CSMD1: variants seen among roughly 807,000 people sequenced by gnomAD.
CSMD1 encodes CUB and Sushi multiple domains 1.
In CSMD1, 213 loss-of-function variants were observed where a neutral mutation model predicts 417.5. That is an observed-to-expected ratio of 0.51 (90% CI 0.46 to 0.57). The LOEUF (loss-of-function observed/expected upper bound fraction) is 0.57, where lower values mean the gene tolerates loss of function less well. Ranked by LOEUF, CSMD1 falls within the 20% of genes least tolerant of loss-of-function variation. CSMD1 has a pLI of 0.00. For missense variants in CSMD1, 6,923 were observed against 4,529.7 expected, an observed-to-expected ratio of 1.53 and a Z score of -15.17; for synonymous variants, 2,862 against 1,736.8, an observed-to-expected ratio of 1.65 and a Z score of -16.11.
chr8:3,524,859 T>C (rs1056485318), intron 10 of CSMD1, among the ~76,000 whole-genome samples: 19 of 151,742 alleles, frequency 1.3e-4, no homozygotes, highest in Admixed American at 6.6e-5. Context: ...CTTTCTATTT[T>C]AACATCACTG....
chr8:3,556,440 G>A (rs1799151044), intron 10 of CSMD1, among the ~76,000 whole-genome samples: 1 of 118,526 alleles, frequency 8.4e-6, no homozygotes, highest in African/African-American at 3.2e-5. Flanking sequence ...ATTTATGAGG[G>A]ATCCTGTGGG....
intron 3 of CSMD1, among the ~76,000 whole-genome samples, chr8:4,191,073 A>G (rs1798997187): frequency 6.7e-6 from 1 of 149,008 alleles, no homozygotes; most frequent in South Asian, 2.1e-4. Flanking sequence ...ACTAAGATAC[A>G]CATGGATTAA....
chr8:3,190,252 T>C, intron 33 of CSMD1, 137 bp from the exon 34 acceptor site: 1 of 599,222 alleles, frequency 1.7e-6, no homozygotes, highest in Non-Finnish European at 2.8e-6. Context: ...ACAATCGCTA[T>C]AGAGAATGAT....
intron 19 of CSMD1, among the ~76,000 whole-genome samples, chr8:3,368,145 C>T (rs1809722210): frequency 6.6e-6 from 1 of 152,084 alleles, no homozygotes; most frequent in Non-Finnish European, 1.5e-5. Flanking sequence ...AAACTTTGAT[C>T]ACTCATAATC....
intron 7 of CSMD1, among the ~76,000 whole-genome samples, chr8:3,636,541 C>G (rs1471867296): frequency 6.6e-6 from 1 of 152,188 alleles, no homozygotes; most frequent in Non-Finnish European, 1.5e-5. Flanking sequence ...AACCTACCAT[C>G]TGTTCCTGAG....
chr8:4,436,760 G>A (rs1244347497), intron 2 of CSMD1, among the ~76,000 whole-genome samples: 1 of 152,076 alleles, frequency 6.6e-6, no homozygotes, highest in African/African-American at 2.4e-5. Flanking sequence ...ACAAATAAGT[G>A]ATCATGTGAT....
At chr8:3,463,622 G>A (rs922437394) in intron 12 of CSMD1, among the ~76,000 whole-genome samples, 1 of 152,224 alleles carries the variant, frequency 6.6e-6, no homozygotes, top group African/African-American at 2.4e-5. Flanking sequence ...CCAGTGAGCT[G>A]TCCTCGGTTC....
At chr8:4,736,750 A>G (rs1326314064) in intron 1 of CSMD1, among the ~76,000 whole-genome samples, 1 of 152,194 alleles carries the variant, frequency 6.6e-6, no homozygotes, top group East Asian at 1.9e-4. Context: ...CAAACTTTGG[A>G]AGCAGGTTTC....
chr8:3,224,244 T>A (rs1798371418), intron 27 of CSMD1, among the ~76,000 whole-genome samples: 1 of 152,200 alleles, frequency 6.6e-6, no homozygotes, highest in Non-Finnish European at 1.5e-5. Flanking sequence ...ATAAAAAAAA[T>A]CCCATGGACA....
At chr8:4,149,820 C>A (rs369736953) in intron 3 of CSMD1, among the ~76,000 whole-genome samples, 3 of 152,252 alleles carry the variant, frequency 2.0e-5, no homozygotes, top group East Asian at 1.9e-4. Flanking sequence ...ATTAAAATAC[C>A]ACTTTAATTG....
At chr8:4,564,487 T>G (rs1798498190) in intron 2 of CSMD1, among the ~76,000 whole-genome samples, 1 of 152,172 alleles carries the variant, frequency 6.6e-6, no homozygotes, top group African/African-American at 2.4e-5. Flanking sequence ...GGACACACAT[T>G]CATTCCATGA....
chr8:4,405,860 C>T (rs917445273), intron 3 of CSMD1, among the ~76,000 whole-genome samples: 1 of 151,350 alleles, frequency 6.6e-6, no homozygotes, highest in Admixed American at 6.6e-5. Context: ...ATCCACTCAC[C>T]ACTTTAGAAA....
At chr8:3,399,237 A>G (rs1174935784) in intron 16 of CSMD1, among the ~76,000 whole-genome samples, 154 bp downstream of exon 16, 3 of 152,334 alleles carry the variant, frequency 2.0e-5, no homozygotes, top group South Asian at 2.1e-4. Flanking sequence ...GAAGAAGAAC[A>G]AAACTTACAA....
intron 2 of CSMD1, among the ~76,000 whole-genome samples, chr8:4,449,634 G>C (rs918296495): frequency 1.3e-5 from 2 of 152,154 alleles, no homozygotes; most frequent in Non-Finnish European, 2.9e-5. Flanking sequence ...ACATCTTGGA[G>C]CAATCCACAT....
At chr8:4,540,578 T>C (rs1293891408) in intron 2 of CSMD1, among the ~76,000 whole-genome samples, 1 of 152,088 alleles carries the variant, frequency 6.6e-6, no homozygotes, top group Non-Finnish European at 1.5e-5. Flanking sequence ...CAGATTATTT[T>C]AATTAAAGAT....
chr8:4,969,131 G>C (rs937487333), intron 1 of CSMD1, among the ~76,000 whole-genome samples: 16 of 152,226 alleles, frequency 1.1e-4, no homozygotes, highest in African/African-American at 3.9e-4. Context: ...GAATGGATAT[G>C]TACCTTATTG....
chr8:3,007,244 G>C (rs944265104), intron 52 of CSMD1, among the ~76,000 whole-genome samples: 39 of 150,932 alleles, frequency 2.6e-4, no homozygotes, highest in African/African-American at 9.4e-4. Flanking sequence ...ACACCAGTTA[G>C]AATGGCGATC....
chr8:3,472,252 T>G (rs905375469), intron 11 of CSMD1, among the ~76,000 whole-genome samples: 1 of 152,068 alleles, frequency 6.6e-6, no homozygotes. Context: ...CCTTGCACCT[T>G]CCTACTCTTT....
chr8:4,153,699 G>T (rs943074481), intron 3 of CSMD1, among the ~76,000 whole-genome samples: 4 of 152,098 alleles, frequency 2.6e-5, no homozygotes, highest in African/African-American at 4.8e-5. Flanking sequence ...CCATCAATCC[G>T]GCAGTCCCAC....
Sources: allele counts gnomAD v4.1 joint callset (sites outside exome capture counted in the v4.1 genomes callset), GRCh38; gene constraint gnomAD v4.1.1; transcripts MANE v1.5; gene names NCBI Gene and HGNC (gene_info 2026-07-23, HGNC 2026-07-21).